SUGP1: variants seen among roughly 807,000 people sequenced by gnomAD.
SUGP1 encodes SURP and G-patch domain containing 1.
SUGP1 carries 34 observed loss-of-function variants against 76.5 expected under a neutral mutation model. The observed-to-expected ratio is 0.44, with a 90% CI of 0.34 to 0.59. The LOEUF is 0.59. SUGP1 is among the 20% of genes least tolerant of loss of function. SUGP1 has a pLI of 0.01. For missense variants in SUGP1, 752 were observed against 851.7 expected, an observed-to-expected ratio of 0.88 and a Z score of 1.46; for synonymous variants, 326 against 326.2, an observed-to-expected ratio of 1.00 and a Z score of 0.01.
chr19:19,292,867 T>C lies in SUGP1; in HGVS notation c.1243+4122A>G, dbSNP rs1008750364. 7.9e-5 allele frequency among the ~76,000 whole-genome samples: 12 copies of C among 151,914 alleles called. No individual in the cohort carries two copies. The East Asian group carries it at 1.3e-3, about 17-fold the overall frequency. On this transcript the variant is annotated intron_variant, in intron 8 of 13. Transcript: ENST00000247001. ...CAATCCATGTAATACACCAAATTAA[T>C]AGAATGAAGGAAAGTAACCACACGA...
intron 8 of SUGP1, among the ~76,000 whole-genome samples, chr19:19,285,158 T>C (rs6511028): frequency 0.42 from 63,651 of 151,814 alleles, 14,783 homozygotes; most frequent in African/African-American, 0.62. Flanking sequence ...TGAGCTACCG[T>C]GCCCAGCCTC....
At chr19:19,289,159 T>C (rs1465021328) in intron 8 of SUGP1, among the ~76,000 whole-genome samples, 1 of 152,138 alleles carries the variant, frequency 6.6e-6, no homozygotes, top group East Asian at 1.9e-4. Flanking sequence ...GTATACCCCG[T>C]TGCTCCCAGG....
chr19:19,314,696 G>A (rs529114613), intron 2 of SUGP1, among the ~76,000 whole-genome samples: 45 of 152,274 alleles, frequency 3.0e-4, no homozygotes, highest in Admixed American at 9.2e-4. Context: ...TACAGCGAAC[G>A]GCTCCCACCT....
chr19:19,305,882 C>T lies in SUGP1; in HGVS notation c.505G>A (p.Glu169Lys), dbSNP rs2061313527. ...TCCAGCCACTGCTCATAGTCCTCCT[C>T]CTCGTCCTCGTCAGGGGACTGGAAG... is the stretch of plus-strand genomic sequence containing the variant. ...SVFQSPDEDEEEDYEQWLEIK... is the reference protein window; with the variant it reads ...SVFQSPDEDEKEDYEQWLEIK... The change falls in exon 4 of 14, where the codon GAG becomes AAG. Residue 169 changes from glutamate to lysine, a missense_variant. Physicochemically the swap from Glu to Lys is moderately conservative, Grantham distance 56. Transcript: ENST00000247001. 6.2e-7 allele frequency: 1 copy of T among 1,612,962 alleles called. No homozygotes were observed. The highest frequency in any genetic ancestry group is 2.2e-5 in the East Asian group (1 of 44,840).
In SUGP1 at chr19:19,305,896, G is replaced by A; in HGVS notation, c.491C>T (p.Pro164Leu). ...VAHRPSVFQS[P>L]DEDEEEDYEQ... ...ATAGTCCTCCTCCTCGTCCTCGTCAGGGGACTGGAAGACACTCGGGCGGTG... is the reference window on the plus strand; with the variant it reads ...ATAGTCCTCCTCCTCGTCCTCGTCAAGGGACTGGAAGACACTCGGGCGGTG... The change falls in exon 4 of 14, where the codon CCT becomes CTT. Residue 164 changes from proline (P) to leucine (L), a missense_variant. By Grantham distance (98) the Pro-to-Leu change is moderately conservative. Transcript: ENST00000247001. 6.2e-7 allele frequency: 1 copy of A among 1,613,584 alleles called. No homozygotes were observed. The highest frequency in any genetic ancestry group is 8.5e-7 in the Non-Finnish European group (1 of 1,179,832).
At chr19:19,295,801 T>C (rs2058446332) in intron 8 of SUGP1, among the ~76,000 whole-genome samples, 1 of 151,740 alleles carries the variant, frequency 6.6e-6, no homozygotes, top group Admixed American at 6.6e-5. Flanking sequence ...GCCAGGGTGG[T>C]AGAGGTTTCA....
rs2061049820 is a variant in SUGP1 at position 19,276,444 on chromosome 19, A to G, written c.*204T>C. 3.3e-6 allele frequency: 2 copies of G among 607,222 alleles called. No individual in the cohort carries two copies. The highest frequency in any genetic ancestry group is 5.9e-6 in the Non-Finnish European group (2 of 340,766). The allele number at this position is 607,222 out of a possible 1,614,324, so 37.6% of individuals were successfully genotyped here. ...GGAGACTCCACAGGCCAATAAGGAGAGCCCCGAGACAGCATCTTGCATCCC... is the reference window on the plus strand; with the variant it reads ...GGAGACTCCACAGGCCAATAAGGAGGGCCCCGAGACAGCATCTTGCATCCC... On this transcript the variant is annotated 3_prime_UTR_variant, in exon 14 of 14. Transcript: ENST00000247001.
chr19:19,284,036 T>C (rs529777882), intron 8 of SUGP1, among the ~76,000 whole-genome samples: 3 of 152,388 alleles, frequency 2.0e-5, no homozygotes, highest in African/African-American at 7.2e-5. Context: ...ACAAGCTGTT[T>C]GTCCCTTTAG....
At chr19:19,290,881 G>A (rs2061176934) in intron 8 of SUGP1, among the ~76,000 whole-genome samples, 1 of 152,034 alleles carries the variant, frequency 6.6e-6, no homozygotes, top group Admixed American at 6.6e-5. Flanking sequence ...CACTTTGGGA[G>A]GCTGAGGTGG....
chr19:19,296,208 T>C (rs1176611298), intron 8 of SUGP1, among the ~76,000 whole-genome samples: 2 of 152,164 alleles, frequency 1.3e-5, no homozygotes, highest in African/African-American at 2.4e-5. Context: ...GGAACCCTTG[T>C]GCACTGCTGG....
In SUGP1 at chr19:19,320,450, C is replaced by G. The variant is rs1212967107; in HGVS notation, c.34+13G>C. 4 of 1,609,440 alleles carry G rather than the reference C, an allele frequency of 2.5e-6. No homozygotes were observed. The highest frequency in any genetic ancestry group is 1.7e-5 in the Admixed American group (1 of 59,272). Reference sequence around the variant, plus strand: ...ACCCAGGCGGCCGCCTGAGAGGAGGCGGGGGCTGTTACCTGCAACATCCCG... The same window carrying G: ...ACCCAGGCGGCCGCCTGAGAGGAGGGGGGGGCTGTTACCTGCAACATCCCG... On this transcript the variant is annotated intron_variant, in intron 1 of 13. Coordinates refer to ENST00000247001, the MANE Select transcript of SUGP1 (RefSeq NM_172231.4).
intron 6 of SUGP1, among the ~76,000 whole-genome samples, chr19:19,303,021 T>C (rs891111658): frequency 2.6e-5 from 4 of 152,138 alleles, no homozygotes; most frequent in African/African-American, 4.8e-5. Context: ...CACTTGTTAA[T>C]GTAACAAAGA....
intron 5 of SUGP1, 89 bp downstream of exon 5, chr19:19,303,635 C>A: frequency 6.6e-7 from 1 of 1,525,356 alleles, no homozygotes; most frequent in Non-Finnish European, 9.1e-7. Context: ...CAGCATCCGG[C>A]CCACACTAGC....
At chr19:19,311,192 A>T (rs1158777877) in intron 2 of SUGP1, among the ~76,000 whole-genome samples, 1 of 151,876 alleles carries the variant, frequency 6.6e-6, no homozygotes, top group Non-Finnish European at 1.5e-5. Context: ...GTTCCTGGCC[A>T]ATGCCATTTT....
In SUGP1 at chr19:19,278,711, C is replaced by A; in HGVS notation, c.1614G>T (p.Met538Ile). ...TCACCTTCAGGGCCTTGAAGGTCTC[C>A]ATAAACTTTTCCAGCTCGTCTGGAG... ...FLPPDELEKFMETFKALKEGR... is the reference protein window; with the variant it reads ...FLPPDELEKFIETFKALKEGR... Residue 538 changes from methionine (M) to isoleucine (I), a missense_variant, in exon 11 of 14, where the codon ATG (methionine) becomes ATT (isoleucine). Coordinates refer to ENST00000247001, the MANE Select transcript of SUGP1 (RefSeq NM_172231.4). 6.2e-7 allele frequency: 1 copy of A among 1,613,662 alleles called. No homozygotes were observed. Among genetic ancestry groups the A allele is most frequent in the Non-Finnish European group, 8.5e-7 (1 of 1,179,830 alleles).
intron 2 of SUGP1, among the ~76,000 whole-genome samples, chr19:19,316,017 A>T (rs1225457441): frequency 6.6e-6 from 1 of 151,958 alleles, no homozygotes; most frequent in Non-Finnish European, 1.5e-5. Context: ...ATTTTTTAGT[A>T]GAGATGGGGT....
At chr19:19,287,135 T>G (rs910675860) in intron 8 of SUGP1, among the ~76,000 whole-genome samples, 1 of 151,732 alleles carries the variant, frequency 6.6e-6, no homozygotes, top group Non-Finnish European at 1.5e-5. Flanking sequence ...TAGCTAGGCA[T>G]GGGCACACAC....
At chr19:19,310,579 C>T (rs1474335959) in intron 2 of SUGP1, among the ~76,000 whole-genome samples, 1 of 152,176 alleles carries the variant, frequency 6.6e-6, no homozygotes, top group Non-Finnish European at 1.5e-5. Flanking sequence ...CATGTCTGTC[C>T]TCCTGCTAGA....
intron 2 of SUGP1, 40 bp from the exon 3 acceptor site, chr19:19,310,240 G>A (rs375284307): frequency 4.0e-5 from 59 of 1,481,334 alleles, no homozygotes; most frequent in Non-Finnish European, 5.3e-5. Context: ...GAGCTGGCTA[G>A]AGATGGAGTG....
Sources: gnomAD v4.1 joint callset for allele counts (sites outside exome capture counted in the v4.1 genomes callset) on GRCh38, gnomAD v4.1.1 for gene constraint, MANE v1.5 for transcripts, NCBI Gene and HGNC (gene_info 2026-07-23, HGNC 2026-07-21) for gene names.